The following NOTCH2 variants were observed in gnomAD, a reference collection of about 807,000 sequenced individuals.
The protein encoded by NOTCH2 is notch receptor 2.
In NOTCH2, 29 loss-of-function variants were observed where a neutral mutation model predicts 235.8. That is an observed-to-expected ratio of 0.12 (90% CI 0.09 to 0.17). NOTCH2 has a LOEUF of 0.17. Among genes scored for constraint, NOTCH2 ranks in the 10% least tolerant of loss-of-function variants. The pLI, the probability that NOTCH2 is intolerant of heterozygous loss-of-function variation, is 1.00. For synonymous variants in NOTCH2, 1,086 were observed against 1,141.5 expected (o/e 0.95, Z 0.98); for missense variants, 2,285 against 3,150.2 (o/e 0.73, Z 6.57).
chr1:119,945,180 C>A (rs1228562085), intron 17 of NOTCH2, among the ~76,000 whole-genome samples: 2 of 151,954 alleles, frequency 1.3e-5, no homozygotes, highest in African/African-American at 4.8e-5. Context: ...CACCAGTAAA[C>A]CCTACAATAA....
At chr1:120,065,860 A>G (rs1327576835) in intron 1 of NOTCH2, among the ~76,000 whole-genome samples, 1 of 152,212 alleles carries the variant, frequency 6.6e-6, no homozygotes, top group South Asian at 2.1e-4. Flanking sequence ...CAAGAAAGGA[A>G]GCATGTAACT....
chr1:119,953,775 G>C (rs1173748122), intron 13 of NOTCH2, 87 bp from the exon 14 acceptor site: 2 of 1,148,088 alleles, frequency 1.7e-6, no homozygotes, highest in East Asian at 2.3e-5. Context: ...TGAAGAAATG[G>C]GGTAAACTGA....
intron 2 of NOTCH2, among the ~76,000 whole-genome samples, chr1:120,015,295 G>A (rs1653394009): frequency 6.6e-6 from 1 of 152,184 alleles, no homozygotes; most frequent in Non-Finnish European, 1.5e-5. Flanking sequence ...CTTTCTTCTT[G>A]CGCTGGGCCT....
rs1648987252 is a variant in NOTCH2 at position 119,914,206 on chromosome 1, G to A, written c.*1100C>T. On this transcript the variant is annotated 3_prime_UTR_variant, in exon 34 of 34. Transcript: ENST00000256646. ...GACTAGTTTCATATGCTGGGTGAGT[G>A]AGTGAAACAGGCCTAGAATGCTCAG... 1 of 233,144 alleles carries A rather than the reference G, an allele frequency of 4.3e-6. No individual in the cohort carries two copies. Among genetic ancestry groups the A allele is most frequent in the African/African-American group, 2.2e-5 (1 of 45,344 alleles). 14.4% of individuals were successfully genotyped at this position (233,144 alleles called of 1,614,324 possible).
At chr1:119,920,207 G>A (rs773015870) in intron 30 of NOTCH2, 22 bp downstream of exon 30, 2 of 1,613,408 alleles carry the variant, frequency 1.2e-6, no homozygotes, top group Non-Finnish European at 1.7e-6. Flanking sequence ...CCAGTGAAGA[G>A]GGGAAGAGGC....
intron 11 of NOTCH2, 90 bp downstream of exon 11, chr1:119,963,484 T>C (rs190923248): frequency 7.6e-6 from 9 of 1,182,674 alleles, no homozygotes; most frequent in Non-Finnish European, 1.1e-5. Flanking sequence ...TTTAGGTATC[T>C]GAGCATATGC....
intron 23 of NOTCH2, among the ~76,000 whole-genome samples, chr1:119,927,408 C>T (rs764415506): frequency 3.9e-5 from 6 of 152,214 alleles, no homozygotes; most frequent in Non-Finnish European, 5.9e-5. Flanking sequence ...CAAATCACAG[C>T]AGCAGCCGCT....
intron 28 of NOTCH2, 32 bp from the exon 29 acceptor site, chr1:119,921,841 T>G: frequency 1.3e-6 from 2 of 1,549,218 alleles, no homozygotes; most frequent in Non-Finnish European, 1.8e-6. Flanking sequence ...AAAATAAGAA[T>G]GGCAGTCATA....
intron 5 of NOTCH2, among the ~76,000 whole-genome samples, 171 bp from the exon 6 acceptor site, chr1:119,969,915 T>C (rs1651293711): frequency 6.6e-6 from 1 of 152,168 alleles, no homozygotes; most frequent in Non-Finnish European, 1.5e-5. Flanking sequence ...GCCATCTAAA[T>C]GATATTTTTT....
chr1:120,009,101 G>A (rs1653088223), intron 2 of NOTCH2, among the ~76,000 whole-genome samples: 1 of 152,110 alleles, frequency 6.6e-6, no homozygotes, highest in South Asian at 2.1e-4. Flanking sequence ...TCATGAGAAA[G>A]GGAACAGCAA....
chr1:119,931,947 C>T (rs1252389523), intron 22 of NOTCH2, among the ~76,000 whole-genome samples: 2 of 147,752 alleles, frequency 1.4e-5, no homozygotes, highest in African/African-American at 2.5e-5. Context: ...CAAAACATTA[C>T]ATCAACAACT....
In NOTCH2 at chr1:119,963,759, T is replaced by C; in HGVS notation, c.1730A>G (p.Asp577Gly). ...CEENIDNCDP[D>G]PCHHGQCQDG... is the part of the protein sequence containing the mutation. ...CTGACACTGACCATGGTGGCAAGGA[T>C]CGGGGTCACAGTTGTCAATGTTCTC... Residue 577 changes from aspartate (D) to glycine (G), a missense_variant, in exon 11 of 34, where the codon GAT becomes GGT. By Grantham distance (94) the Asp-to-Gly change is moderately conservative (BLOSUM62 -1). This residue lies in a region of NOTCH2 where 431 missense variants were observed against 757.8 expected (regional missense o/e 0.57). Transcript: ENST00000256646. The C allele has an allele frequency of 6.2e-7, 1 of 1,614,124 alleles. No homozygotes were observed. The highest frequency in any genetic ancestry group is 8.5e-7 in the Non-Finnish European group (1 of 1,180,004).
intron 9 of NOTCH2, among the ~76,000 whole-genome samples, chr1:119,965,830 C>T (rs587651741): frequency 2.0e-5 from 3 of 152,226 alleles, no homozygotes; most frequent in African/African-American, 7.2e-5. Context: ...TAGGTGGAAC[C>T]TCAAACAAGT....
intron 29 of NOTCH2, among the ~76,000 whole-genome samples, chr1:119,920,881 A>G (rs587670015): frequency 1.6e-4 from 24 of 152,354 alleles, no homozygotes; most frequent in African/African-American, 5.5e-4. Context: ...CCCAACATGT[A>G]GTAAGCACTC....
chr1:119,921,734 C>G lies in NOTCH2; in HGVS notation c.5289G>C (p.Gly1763=). Residue 1763 remains glycine (G), a synonymous_variant, in exon 29 of 34, where the codon GGG becomes GGC. Coordinates refer to ENST00000256646, the MANE Select transcript of NOTCH2 (RefSeq NM_024408.4). ...GTSEHWVDDE[G]PQPKKVKAED... is the part of the protein sequence containing the mutation. Reference sequence around the variant, plus strand: ...TCACCTTTACTTTCTTTGGCTGGGGCCCTTCATCATCGACCCAGTGTTCAC... The same window carrying G: ...TCACCTTTACTTTCTTTGGCTGGGGGCCTTCATCATCGACCCAGTGTTCAC... 6.2e-7 allele frequency: 1 copy of G among 1,614,090 alleles called. No homozygotes were observed. The highest frequency in any genetic ancestry group is 8.5e-7 in the Non-Finnish European group (1 of 1,179,968).
intron 2 of NOTCH2, among the ~76,000 whole-genome samples, chr1:120,012,570 A>G (rs1441608866): frequency 2.0e-5 from 3 of 151,896 alleles, no homozygotes; most frequent in African/African-American, 7.3e-5. Flanking sequence ...GATTGAGACA[A>G]CTTTTACATT....
chr1:120,010,269 T>G (rs1165413517), intron 2 of NOTCH2, among the ~76,000 whole-genome samples: 2 of 152,194 alleles, frequency 1.3e-5, no homozygotes, highest in Non-Finnish European at 2.9e-5. Flanking sequence ...TGCTGGCTTT[T>G]CCTCCATTTC....
chr1:120,030,358 T>C (rs587724337), intron 1 of NOTCH2, among the ~76,000 whole-genome samples: 97 of 145,500 alleles, frequency 6.7e-4, no homozygotes, highest in Non-Finnish European at 1.0e-3. Context: ...TTTAGGAAAA[T>C]GCTAGATAAA....
intron 26 of NOTCH2, 77 bp downstream of exon 26, chr1:119,923,560 G>T: frequency 8.1e-7 from 1 of 1,235,650 alleles, no homozygotes; most frequent in South Asian, 1.2e-5. Context: ...TCTATAGGTT[G>T]AGTTATGACT....
Sources: allele counts gnomAD v4.1 joint callset (sites outside exome capture counted in the v4.1 genomes callset), GRCh38; gene constraint gnomAD v4.1.1; regional missense constraint gnomAD v4.1.1; transcripts MANE v1.5; gene names NCBI Gene and HGNC (gene_info 2026-07-23, HGNC 2026-07-21).